SVIL: variants seen among roughly 807,000 people sequenced by gnomAD.
SVIL encodes supervillin.
A neutral mutation model predicts 240.4 loss-of-function variants in SVIL; 101 were observed. That is an observed-to-expected ratio of 0.42 (90% CI 0.36 to 0.50). SVIL has a LOEUF of 0.50. Ranked by LOEUF, SVIL falls within the 20% of genes least tolerant of loss-of-function variation. SVIL has a pLI of 0.01. For missense variants in SVIL, 2,512 were observed against 2,818.7 expected (o/e 0.89, Z 2.46); for synonymous variants, 999 against 1,100.0 (o/e 0.91, Z 1.82).
At chr10:29,613,633 T>C (rs1957331738) in intron 1 of SVIL, among the ~76,000 whole-genome samples, 1 of 152,168 alleles carries the variant, frequency 6.6e-6, no homozygotes, top group African/African-American at 2.4e-5. Flanking sequence ...GCCTGGCCAT[T>C]TATCAAGGAG....
At position 29,523,495 on chromosome 10, in the gene SVIL, T is replaced by C. The variant is rs1440995276; in HGVS notation, c.3119A>G (p.Lys1040Arg). The change falls in exon 15 of 38, where the codon AAG becomes AGG. Residue 1040 changes from lysine (K) to arginine (R), a missense_variant. Physicochemically the swap from Lys to Arg is conservative, Grantham distance 26 (BLOSUM62 2). Around this residue, in one of 3 missense-constraint regions of SVIL, gnomAD observed 1,443 missense variants for 1,486.6 expected, o/e 0.97. Transcript: ENST00000355867. ...TTTCATAACATTCTCCACCTCCACC[T>C]TCTCTTCAAAGGGCAGCCTGTCCCT... is the stretch of plus-strand genomic sequence containing the variant. ...DLRDRLPFEEKVEVENVMKRK... is the reference protein window; with the variant it reads ...DLRDRLPFEERVEVENVMKRK... 1 of 1,612,918 alleles carries C rather than the reference T, an allele frequency of 6.2e-7. No homozygotes were observed. The highest frequency in any genetic ancestry group is 1.7e-5 in the Admixed American group (1 of 59,810).
In SVIL at chr10:29,457,475, A is replaced by AT. The variant is rs1383419148; in HGVS notation, c.*771dup. The stretch of plus-strand genomic sequence containing the variant: ...TTTATTTTGACTATTTGAGAGTAAA[A>AT]TTGTAGATAATGTTCCAAACCATCA... On this transcript the variant is annotated 3_prime_UTR_variant, in exon 38 of 38. Coordinates refer to ENST00000355867, the MANE Select transcript of SVIL (RefSeq NM_021738.3). The AT allele has an allele frequency of 6.6e-6, 1 of 152,636 alleles. No individual in the cohort carries two copies. Among genetic ancestry groups the AT allele is most frequent in the East Asian group, 1.9e-4 (1 of 5,202 alleles). 9.5% of individuals were successfully genotyped at this position (152,636 alleles called of 1,614,324 possible). A position where few individuals can be genotyped will look rare whatever the true frequency, so the allele number is the denominator to read the frequency against.
At chr10:29,587,086 T>C (rs1474637662) in intron 1 of SVIL, among the ~76,000 whole-genome samples, 1 of 152,324 alleles carries the variant, frequency 6.6e-6, no homozygotes, top group Middle Eastern at 3.4e-3. Flanking sequence ...CTCCGTAGAA[T>C]AAGCCCTGAT....
intron 1 of SVIL, among the ~76,000 whole-genome samples, chr10:29,721,524 T>C (rs565486662): frequency 7.6e-6 from 1 of 131,024 alleles, no homozygotes; most frequent in Non-Finnish European, 1.7e-5. Context: ...AGTTATACTA[T>C]GCTAACACCA....
At chr10:29,591,696 G>A (rs1956396743) in intron 1 of SVIL, among the ~76,000 whole-genome samples, 1 of 152,208 alleles carries the variant, frequency 6.6e-6, no homozygotes, top group Non-Finnish European at 1.5e-5. Context: ...AAATACGTGA[G>A]TCCTTCCAGC....
intron 18 of SVIL, among the ~76,000 whole-genome samples, 163 bp downstream of exon 18, chr10:29,498,952 GC>G (rs1948667883): frequency 2.0e-5 from 3 of 152,222 alleles, no homozygotes; most frequent in Admixed American, 1.3e-4. Flanking sequence ...CTGCACCCCA[GC>G]CTAGGCAAAA....
chr10:29,671,011 G>A (rs752103743), intron 2 of SVIL: 4 of 152,162 alleles, frequency 2.6e-5, no homozygotes, highest in African/African-American at 9.7e-5. Context: ...AACAGAGTCT[G>A]ATGAGGGACC....
Position 29,530,606 on chromosome 10 carries a change from C to G in SVIL, c.2106+1G>C. 1 of 1,614,106 alleles carries G rather than the reference C, an allele frequency of 6.2e-7. No individual in the cohort carries two copies. The highest frequency in any genetic ancestry group is 8.5e-7 in the Non-Finnish European group (1 of 1,180,006). On this transcript the variant is annotated splice_donor_variant, in intron 11 of 37. Transcript: ENST00000355867. LOFTEE classifies it high-confidence loss of function. ...TATTCAAGCACGTCAGCACAGCTTA[C>G]CCTGAAAAGCAACCTCTTGGCGGCG...
chr10:29,481,596 A>G lies in SVIL; in HGVS notation c.5088T>C (p.Leu1696=). 6.2e-7 allele frequency: 1 copy of G among 1,614,128 alleles called. No homozygotes were observed. Among genetic ancestry groups the G allele is most frequent in the Non-Finnish European group, 8.5e-7 (1 of 1,180,026 alleles). The change falls in exon 28 of 38, where the codon CTT becomes CTC. Residue 1696 remains leucine, a synonymous_variant. Transcript: ENST00000355867. The stretch of plus-strand genomic sequence containing the variant: ...GTCGCCGGAATACCTTGTGCTGGGC[A>G]AGTTCCCCGGGGTTCTTCTCATTCG... ...KRSNEKNPGE[L]AQHKEDPRTD...
At chr10:29,732,770 A>C (rs1247472042) in intron 1 of SVIL, among the ~76,000 whole-genome samples, 1 of 152,178 alleles carries the variant, frequency 6.6e-6, no homozygotes, top group Non-Finnish European at 1.5e-5. Context: ...ACAGAAGCAG[A>C]TACATTTCTT....
intron 29 of SVIL, among the ~76,000 whole-genome samples, chr10:29,477,543 G>A (rs374096093): frequency 4.6e-5 from 7 of 152,210 alleles, no homozygotes; most frequent in African/African-American, 1.7e-4. Flanking sequence ...TCTCCCAGAA[G>A]TGCACCCTGA....
intron 1 of SVIL, among the ~76,000 whole-genome samples, chr10:29,598,022 GT>G (rs1420811440): frequency 1.3e-5 from 2 of 152,052 alleles, no homozygotes; most frequent in African/African-American, 4.8e-5. Flanking sequence ...GGGTGAATGG[GT>G]CAACAAAACG....
intron 3 of SVIL, among the ~76,000 whole-genome samples, chr10:29,560,640 A>C (rs1331854376): frequency 1.4e-5 from 2 of 142,830 alleles, no homozygotes; most frequent in Non-Finnish European, 3.0e-5. Flanking sequence ...GATGTCATTA[A>C]AATAAAATTA....
At chr10:29,619,635 C>CAT (rs370701767) in intron 1 of SVIL, among the ~76,000 whole-genome samples, 1 of 15,436 alleles carries the variant, frequency 6.5e-5, no homozygotes, top group Non-Finnish European at 2.4e-4. Context: ...TAAAGGCCAG[C>CAT]ACACACATAC....
In SVIL at chr10:29,486,459, ATGAGTG is replaced by A. The variant is rs1564497010; in HGVS notation, c.4578_4583del (p.Thr1527_His1528del). On this transcript the variant is annotated inframe_deletion, in exon 25 of 38. Coordinates refer to ENST00000355867, the MANE Select transcript of SVIL (RefSeq NM_021738.3). ...GAAGCTTCCAGAAGTCTTTGGCTGC[ATGAGTG>A]TGTGTATTAATTCCTTCTTCAATGG... The A allele has an allele frequency of 6.2e-7, 1 of 1,614,236 alleles. No homozygotes were observed. Among genetic ancestry groups the A allele is most frequent in the Non-Finnish European group, 8.5e-7 (1 of 1,180,044 alleles).
chr10:29,542,091 C>T (rs1431583619), intron 6 of SVIL, among the ~76,000 whole-genome samples: 6 of 152,182 alleles, frequency 3.9e-5, no homozygotes, highest in Admixed American at 2.6e-4. Context: ...GTTTTCTTCA[C>T]AGCTTGATTT....
intron 22 of SVIL, among the ~76,000 whole-genome samples, chr10:29,489,680 T>A (rs1947764861): frequency 6.6e-6 from 1 of 152,128 alleles, no homozygotes; most frequent in Non-Finnish European, 1.5e-5. Context: ...CCTGAGTAGC[T>A]GGGACCCCAG....
chr10:29,555,971 T>G (rs924344791), intron 3 of SVIL, among the ~76,000 whole-genome samples: 2 of 152,194 alleles, frequency 1.3e-5, no homozygotes, highest in African/African-American at 4.8e-5. Context: ...TGCACAGGCT[T>G]TCACTGGAAG....
chr10:29,631,631 C>T (rs1034936811), intron 1 of SVIL, among the ~76,000 whole-genome samples: 25 of 152,190 alleles, frequency 1.6e-4, no homozygotes, highest in South Asian at 4.1e-4. Flanking sequence ...AAGAATTAGC[C>T]GGGCGTGGTG....
Sources: allele counts gnomAD v4.1 joint callset (sites outside exome capture counted in the v4.1 genomes callset), GRCh38; gene constraint gnomAD v4.1.1; regional missense constraint gnomAD v4.1.1; transcripts MANE v1.5; gene names NCBI Gene and HGNC (gene_info 2026-07-23, HGNC 2026-07-21).